The following MAF variants were observed in gnomAD, a reference collection of about 807,000 sequenced individuals.
MAF encodes the protein MAF bZIP transcription factor.
A neutral mutation model predicts 22.0 loss-of-function variants in MAF; 10 were observed. The ratio of observed to expected loss-of-function variants is 0.45; its 90% CI spans 0.28 to 0.77. The LOEUF is 0.77. MAF is among the 30% of genes least tolerant of loss of function. MAF has a pLI of 0.12. For missense variants in MAF, 544 were observed against 548.4 expected, an observed-to-expected ratio of 0.99 and a Z score of 0.08; for synonymous variants, 337 against 255.8, an observed-to-expected ratio of 1.32 and a Z score of -3.03.
At chr16:79,505,482 G>A in the MAF span, 1 of 152,266 alleles carries the variant, frequency 6.6e-6, no homozygotes, top group African/African-American at 2.4e-5. Flanking sequence ...GGGACCCGTT[G>A]TTCCTAGGGG....
chr16:79,555,245 TC>T, the MAF span, among the ~76,000 whole-genome samples: 2 of 152,176 alleles, frequency 1.3e-5, no homozygotes, highest in Non-Finnish European at 2.9e-5. Flanking sequence ...GGATTGCAAT[TC>T]CCAGTAAATA....
chr16:79,458,014 A>AT, the MAF span, among the ~76,000 whole-genome samples: 20 of 147,098 alleles, frequency 1.4e-4, no homozygotes, highest in East Asian at 3.9e-4. Flanking sequence ...CATTAGAGAT[A>AT]TTTTTTTTTC....
At chr16:79,283,964 C>G in the MAF span, among the ~76,000 whole-genome samples, 1 of 55,278 alleles carries the variant, frequency 1.8e-5, no homozygotes, top group East Asian at 5.6e-4. Flanking sequence ...TGCACCTCCT[C>G]CTCAAAAAAA....
At chr16:79,573,853 G>A in the MAF span, among the ~76,000 whole-genome samples, 6 of 152,176 alleles carry the variant, frequency 3.9e-5, no homozygotes, top group African/African-American at 1.4e-4. Flanking sequence ...TGAAAACCTA[G>A]AACAAAGTTA....
the MAF span, among the ~76,000 whole-genome samples, chr16:79,234,638 T>A: frequency 2.0e-5 from 3 of 152,048 alleles, 1 homozygote; most frequent in Non-Finnish European, 4.4e-5. Context: ...AGCCTGGAAA[T>A]GCAAACTGGC....
chr16:79,322,290 G>A, the MAF span, among the ~76,000 whole-genome samples: 3 of 152,136 alleles, frequency 2.0e-5, no homozygotes, highest in Admixed American at 2.0e-4. Flanking sequence ...ATCACTGAGT[G>A]TTTCTAAGAA....
At position 79,599,476 on chromosome 16, in the gene MAF, C is replaced by T; in HGVS notation, c.427G>A (p.Gly143Arg). 2 of 1,393,750 alleles carry T rather than the reference C, an allele frequency of 1.4e-6. No individual in the cohort carries two copies. Among genetic ancestry groups the T allele is most frequent in the Non-Finnish European group, 1.8e-6 (2 of 1,083,632 alleles). 86.3% of individuals were successfully genotyped at this position (1,393,750 alleles called of 1,614,324 possible). Reference sequence around the variant, plus strand: ...CCCAAGGAGGCGCCGGCACCGGCCCCGGCCGCCGCGGCCAGCTGCTGCGCC... The same window carrying T: ...CCCAAGGAGGCGCCGGCACCGGCCCTGGCCGCCGCGGCCAGCTGCTGCGCC... ...RGAQQLAAAA[G>R]AGAGASLGGS... Residue 143 changes from glycine (G) to arginine (R), a missense_variant, in exon 1 of 2, where the codon GGG becomes AGG. Physicochemically the swap from Gly to Arg is moderately radical, Grantham distance 125 (BLOSUM62 -2). Transcript: ENST00000326043.
chr16:79,366,641 TGA>T, the MAF span, among the ~76,000 whole-genome samples: 6 of 152,220 alleles, frequency 3.9e-5, no homozygotes, highest in African/African-American at 9.7e-5. Context: ...GTGGAAGTTT[TGA>T]GAGTCAGCAT....
chr16:79,335,350 T>C, the MAF span, among the ~76,000 whole-genome samples: 2,969 of 152,240 alleles, frequency 0.02, 28 homozygotes, highest in Middle Eastern at 0.054. Flanking sequence ...CCTCGTACTA[T>C]GGCCGACCAG....
chr16:79,590,640 G>C (rs1441322195), downstream of MAF, among the ~76,000 whole-genome samples: 1 of 152,084 alleles, frequency 6.6e-6, no homozygotes, highest in Non-Finnish European at 1.5e-5. Context: ...ACTCTGTGGA[G>C]AGCTCACAAC....
chr16:79,371,620 T>C, the MAF span, among the ~76,000 whole-genome samples: 3 of 152,188 alleles, frequency 2.0e-5, no homozygotes, highest in Non-Finnish European at 4.4e-5. Context: ...TCACATATGC[T>C]GTTCCCTTTG....
At chr16:79,339,720 A>G in the MAF span, among the ~76,000 whole-genome samples, 1 of 152,242 alleles carries the variant, frequency 6.6e-6, no homozygotes, top group East Asian at 1.9e-4. Context: ...GGGAGAATGC[A>G]GTACACCAGC....
At chr16:79,344,368 T>G in the MAF span, among the ~76,000 whole-genome samples, 1 of 152,222 alleles carries the variant, frequency 6.6e-6, no homozygotes, top group African/African-American at 2.4e-5. Context: ...TATCCAAGTC[T>G]GGTGGGTATA....
the MAF span, among the ~76,000 whole-genome samples, chr16:79,555,017 A>G: frequency 0.074 from 11,229 of 152,196 alleles, 534 homozygotes; most frequent in Non-Finnish European, 0.11. Flanking sequence ...GGTGGGAAGA[A>G]CTTTTGATTA....
the MAF span, among the ~76,000 whole-genome samples, chr16:79,250,893 A>G: frequency 6.6e-6 from 1 of 152,208 alleles, no homozygotes; most frequent in African/African-American, 2.4e-5. Flanking sequence ...AAACTGGGAC[A>G]GTCCCAAGCA....
the MAF span, among the ~76,000 whole-genome samples, chr16:79,290,261 G>A: frequency 6.6e-6 from 1 of 152,152 alleles, no homozygotes; most frequent in Non-Finnish European, 1.5e-5. Context: ...GAGGGCAGAG[G>A]ATGCCAACAA....
the MAF span, among the ~76,000 whole-genome samples, chr16:79,523,045 G>C: frequency 5.3e-5 from 8 of 152,212 alleles, no homozygotes; most frequent in African/African-American, 1.9e-4. Flanking sequence ...TAGCATAAGA[G>C]TCATCATAAA....
the MAF span, among the ~76,000 whole-genome samples, chr16:79,286,442 T>C: frequency 2.6e-5 from 4 of 152,212 alleles, no homozygotes; most frequent in Middle Eastern, 3.2e-3. Context: ...ATAGCATAAA[T>C]TCACTGCCAA....
the MAF span, among the ~76,000 whole-genome samples, chr16:79,210,440 G>A: frequency 4.6e-5 from 7 of 152,116 alleles, no homozygotes; most frequent in South Asian, 2.1e-4. Flanking sequence ...ACCCTGCAGG[G>A]GCAGAAAAAT....
Sources: gnomAD v4.1 joint callset for allele counts (sites outside exome capture counted in the v4.1 genomes callset) on GRCh38, gnomAD v4.1.1 for gene constraint, MANE v1.5 for transcripts, NCBI Gene and HGNC (gene_info 2026-07-23, HGNC 2026-07-21) for gene names.